The following GRID2 variants were observed in gnomAD, a reference collection of about 807,000 sequenced individuals.
GRID2 encodes the protein glutamate receptor ionotropic, delta-2.
In GRID2, 33 loss-of-function variants were observed where a neutral mutation model predicts 114.8. That is an observed-to-expected ratio of 0.29 (90% CI 0.22 to 0.38). GRID2 has a LOEUF of 0.38. Ranked by LOEUF, GRID2 falls within the 10% of genes least tolerant of loss-of-function variation. The pLI, the probability that GRID2 is intolerant of heterozygous loss-of-function variation, is 1.00. For missense variants in GRID2, 1,184 were observed against 1,257.7 expected (o/e 0.94, Z 0.89); for synonymous variants, 505 against 449.9 (o/e 1.12, Z -1.55).
chr4:93,772,775 A>G lies in GRID2; in HGVS notation c.*277A>G. ...CTAGGATCCTATTAGTCTGCTTTTC[A>G]TATACTGTACATCAAGTATAGGAAA... On this transcript the variant is annotated 3_prime_UTR_variant, in exon 16 of 16. Transcript: ENST00000282020. 2.5e-6 allele frequency: 1 copy of G among 397,732 alleles called. No homozygotes were observed. The allele number at this position is 397,732 out of a possible 1,614,324, so 24.6% of individuals were successfully genotyped here.
chr4:93,410,823 T>A (rs894409523), intron 9 of GRID2, among the ~76,000 whole-genome samples: 2 of 152,222 alleles, frequency 1.3e-5, no homozygotes, highest in Admixed American at 1.3e-4. Context: ...CCTCAGGTGA[T>A]CCTCCCGCCT....
chr4:93,608,208 G>A (rs1162723489), intron 13 of GRID2, among the ~76,000 whole-genome samples: 1 of 145,912 alleles, frequency 6.9e-6, no homozygotes, highest in Non-Finnish European at 1.5e-5. Context: ...TTCCTTATAT[G>A]TATTACATAT....
intron 1 of GRID2, among the ~76,000 whole-genome samples, chr4:92,306,111 C>A (rs1725390554): frequency 6.6e-6 from 1 of 152,242 alleles, no homozygotes; most frequent in African/African-American, 2.4e-5. Flanking sequence ...CGAGGGATTT[C>A]TGTCTAGCGT....
At chr4:92,823,451 A>G (rs1312386642) in intron 2 of GRID2, among the ~76,000 whole-genome samples, 1 of 152,168 alleles carries the variant, frequency 6.6e-6, no homozygotes, top group Non-Finnish European at 1.5e-5. Context: ...GACATGAGAG[A>G]AATCAGCTCA....
chr4:93,306,614 C>T (rs1283718875), intron 8 of GRID2, among the ~76,000 whole-genome samples: 4 of 152,192 alleles, frequency 2.6e-5, no homozygotes, highest in African/African-American at 9.6e-5. Flanking sequence ...ATTGTATACA[C>T]TTTGAAGTGT....
chr4:93,475,386 C>T (rs963829539), intron 11 of GRID2, among the ~76,000 whole-genome samples: 3 of 152,052 alleles, frequency 2.0e-5, no homozygotes, highest in African/African-American at 7.2e-5. Flanking sequence ...AGACTAGATT[C>T]ATAATGTTAA....
At chr4:93,392,143 G>A (rs1248813573) in intron 8 of GRID2, among the ~76,000 whole-genome samples, 3 of 152,206 alleles carry the variant, frequency 2.0e-5, no homozygotes, top group Middle Eastern at 3.4e-3. Flanking sequence ...TGCTGCAAGG[G>A]CCATCTTTAT....
chr4:92,403,062 C>G (rs1412277013), intron 1 of GRID2, among the ~76,000 whole-genome samples: 4 of 152,148 alleles, frequency 2.6e-5, no homozygotes, highest in African/African-American at 9.7e-5. Context: ...GCTTATGAAC[C>G]AGCCTCTACT....
intron 8 of GRID2, among the ~76,000 whole-genome samples, chr4:93,371,792 G>A (rs1333612228): frequency 7.9e-6 from 1 of 127,240 alleles, no homozygotes; most frequent in Admixed American, 9.4e-5. Flanking sequence ...GTGTTGCCCA[G>A]GCTGGAGCGC....
chr4:92,374,746 G>A (rs1337727911), intron 1 of GRID2, among the ~76,000 whole-genome samples: 1 of 152,136 alleles, frequency 6.6e-6, no homozygotes, highest in African/African-American at 2.4e-5. Context: ...TTAACTTGGA[G>A]TTATTCTACA....
intron 2 of GRID2, among the ~76,000 whole-genome samples, chr4:92,874,259 T>A (rs1466429109): frequency 6.6e-6 from 1 of 152,230 alleles, no homozygotes; most frequent in Non-Finnish European, 1.5e-5. Flanking sequence ...CTTCAAATGT[T>A]GTAGCGTCTT....
intron 1 of GRID2, among the ~76,000 whole-genome samples, chr4:92,577,206 GATGTA>G (rs1269647254): frequency 6.6e-6 from 1 of 152,244 alleles, no homozygotes; most frequent in African/African-American, 2.4e-5. Flanking sequence ...CTGAAGAACA[GATGTA>G]ATGGAATGAG....
chr4:92,680,348 A>G (rs1560528873), intron 2 of GRID2, among the ~76,000 whole-genome samples: 1 of 152,142 alleles, frequency 6.6e-6, no homozygotes, highest in Non-Finnish European at 1.5e-5. Flanking sequence ...ACATTCAGAA[A>G]TGTACTCTTC....
At chr4:92,551,591 G>A (rs1389186953) in intron 1 of GRID2, among the ~76,000 whole-genome samples, 1 of 152,112 alleles carries the variant, frequency 6.6e-6, no homozygotes, top group Non-Finnish European at 1.5e-5. Context: ...ATCTATTCAT[G>A]CAACAAACAT....
chr4:93,293,134 G>A (rs1005819580), intron 8 of GRID2, among the ~76,000 whole-genome samples: 4 of 152,164 alleles, frequency 2.6e-5, no homozygotes, highest in Admixed American at 6.5e-5. Flanking sequence ...CCAGGTGCAC[G>A]GCATGTTCTT....
intron 2 of GRID2, among the ~76,000 whole-genome samples, chr4:92,610,385 T>C (rs760473369): frequency 6.6e-6 from 1 of 151,668 alleles, no homozygotes; most frequent in African/African-American, 2.4e-5. Flanking sequence ...ATGTGTGTGA[T>C]ATTGTTCCAC....
At chr4:92,683,083 A>G (rs1733725477) in intron 2 of GRID2, among the ~76,000 whole-genome samples, 2 of 152,080 alleles carry the variant, frequency 1.3e-5, no homozygotes, top group South Asian at 4.1e-4. Flanking sequence ...GCGGATCACA[A>G]GGTCAGGGGA....
At chr4:92,404,014 C>A (rs928053630) in intron 1 of GRID2, among the ~76,000 whole-genome samples, 2 of 152,104 alleles carry the variant, frequency 1.3e-5, no homozygotes, top group South Asian at 2.1e-4. Flanking sequence ...ATAATGAAAA[C>A]ATTTATGAAA....
chr4:93,163,371 T>TAC (rs1737893297), intron 4 of GRID2, among the ~76,000 whole-genome samples: 4 of 76,114 alleles, frequency 5.3e-5, no homozygotes, highest in African/African-American at 2.1e-4. Flanking sequence ...TATATATATA[T>TAC]ATATATATAT....
Sources: gnomAD v4.1 joint callset for allele counts (sites outside exome capture counted in the v4.1 genomes callset) on GRCh38, gnomAD v4.1.1 for gene constraint, MANE v1.5 for transcripts, NCBI Gene and HGNC (gene_info 2026-07-23, HGNC 2026-07-21) for gene names.